Variants in GPR39 observed in about 807,000 individuals in gnomAD.
The protein encoded by GPR39 is G protein-coupled receptor 39, also known as zinc sensing receptor.
Under a neutral mutation model 18.4 loss-of-function variants are expected in GPR39, and 23 were observed. The ratio of observed to expected loss-of-function variants is 1.25; its 90% CI spans 0.90 to 1.77. The LOEUF is 1.77. GPR39 is among the 40% of genes most tolerant of loss of function. The probability of loss-of-function intolerance (pLI) is 0.00; values close to 1 mark genes in which losing one functional copy is unlikely to be tolerated. For synonymous variants in GPR39, 280 were observed against 257.9 expected (o/e 1.09, Z -0.82); for missense variants, 647 against 602.4 (o/e 1.07, Z -0.78).
chr2:132,534,359 G>A (rs1447034262), intron 1 of GPR39, among the ~76,000 whole-genome samples: 2 of 150,308 alleles, frequency 1.3e-5, no homozygotes, highest in East Asian at 4.1e-4. Flanking sequence ...GAGAGGATGT[G>A]GAGAAATAGG....
chr2:132,433,470 A>C (rs528961139), intron 1 of GPR39, among the ~76,000 whole-genome samples: 27 of 152,086 alleles, frequency 1.8e-4, no homozygotes, highest in African/African-American at 6.3e-4. Context: ...TTCTCACATA[A>C]ATTTCATCAT....
At chr2:132,419,345 C>A (rs1425846310) in intron 1 of GPR39, among the ~76,000 whole-genome samples, 1 of 152,210 alleles carries the variant, frequency 6.6e-6, no homozygotes, top group Non-Finnish European at 1.5e-5. Flanking sequence ...TTCAGAATCA[C>A]CTCAGTGCAG....
At chr2:132,456,332 T>C (rs1297886210) in intron 1 of GPR39, among the ~76,000 whole-genome samples, 1 of 150,782 alleles carries the variant, frequency 6.6e-6, no homozygotes, top group East Asian at 2.0e-4. Flanking sequence ...ATTTGCTTGG[T>C]AGATCTTCCT....
intron 1 of GPR39, among the ~76,000 whole-genome samples, chr2:132,430,308 C>T (rs541735371): frequency 3.3e-5 from 5 of 152,298 alleles, no homozygotes; most frequent in Non-Finnish European, 5.9e-5. Flanking sequence ...TTTAAGCCTT[C>T]AGGTGACTCC....
intron 1 of GPR39, among the ~76,000 whole-genome samples, chr2:132,461,840 G>C (rs1414571086): frequency 6.6e-6 from 1 of 152,194 alleles, no homozygotes; most frequent in Non-Finnish European, 1.5e-5. Context: ...TCACCTTGCT[G>C]TGCCGAGGGA....
At chr2:132,515,703 ACT>A (rs922290779) in intron 1 of GPR39, among the ~76,000 whole-genome samples, 1 of 151,984 alleles carries the variant, frequency 6.6e-6, no homozygotes, top group African/African-American at 2.4e-5. Context: ...TAAGAATGTC[ACT>A]CTCTGACCTT....
At chr2:132,572,617 T>C (rs868429856) in intron 1 of GPR39, among the ~76,000 whole-genome samples, 3 of 151,766 alleles carry the variant, frequency 2.0e-5, no homozygotes, top group African/African-American at 7.3e-5. Context: ...CCAAAACTTA[T>C]AGGGGTTCAC....
chr2:132,585,740 A>G (rs1680712698), intron 1 of GPR39, among the ~76,000 whole-genome samples: 1 of 151,988 alleles, frequency 6.6e-6, no homozygotes, highest in African/African-American at 2.4e-5. Flanking sequence ...AGGGCCGGAC[A>G]GCCCGGTGTT....
chr2:132,493,492 TATATATATACACC>T lies in GPR39; in HGVS notation c.856+75604_856+75616del, dbSNP rs1306357609. On this transcript the variant is annotated intron_variant, in intron 1 of 1. Transcript: ENST00000329321. ...ACACCATATATATATATACACCATA[TATATATATACACC>T]ATATATATATATATATATATATACA... Among the ~76,000 whole-genome samples, 182 of 106,924 alleles carry T rather than the reference TATATATATACACC, an allele frequency of 1.7e-3. 1 individual carries two copies. Among genetic ancestry groups the T allele is most frequent in the African/African-American group, 6.6e-3 (172 of 25,938 alleles). The allele number at this position is 106,924 out of a possible 152,430, so 70.1% of individuals were successfully genotyped here. A position where few individuals can be genotyped will look rare whatever the true frequency, so the allele number is the denominator to read the frequency against.
intron 1 of GPR39, among the ~76,000 whole-genome samples, chr2:132,449,260 T>TTTG (rs1680592834): frequency 6.8e-6 from 1 of 147,908 alleles, no homozygotes; most frequent in Non-Finnish European, 1.5e-5. Context: ...TGTTTTGTTT[T>TTTG]GTTTTGAGAC....
chr2:132,486,342 C>G (rs562504982), intron 1 of GPR39, among the ~76,000 whole-genome samples: 14 of 152,208 alleles, frequency 9.2e-5, no homozygotes, highest in Non-Finnish European at 1.8e-4. Context: ...CCAGCTGCAG[C>G]TGCATTAGCC....
At chr2:132,420,052 C>T (rs1679979084) in intron 1 of GPR39, among the ~76,000 whole-genome samples, 1 of 152,182 alleles carries the variant, frequency 6.6e-6, no homozygotes, top group African/African-American at 2.4e-5. Flanking sequence ...CATCAGATCC[C>T]ATTAGTAATT....
At position 132,610,846 on chromosome 2, in the gene GPR39, A is replaced by G. The variant is rs117333426; in HGVS notation, c.857-34255A>G. 1.6e-4 allele frequency among the ~76,000 whole-genome samples: 25 copies of G among 151,916 alleles called. No homozygotes were observed. In the East Asian group the frequency reaches 4.7e-3, roughly 28 times the overall value. ...CCACCTTGGAGCTCTGTCATCATCA[A>G]CTCATGGCTTCCAAGGCCCCTGAGC... On this transcript the variant is annotated intron_variant, in intron 1 of 1. Coordinates refer to ENST00000329321, the MANE Select transcript of GPR39 (RefSeq NM_001508.3).
chr2:132,440,878 C>A lies in GPR39; in HGVS notation c.856+22980C>A, dbSNP rs537672439. On this transcript the variant is annotated intron_variant, in intron 1 of 1. Transcript: ENST00000329321. ...TGCCCTTGCAGGGCGTGACTTTCCA[C>A]AACCGGTGTGTGTGGTGGGGGTGCT... is the stretch of plus-strand genomic sequence containing the variant. 5.5e-4 allele frequency among the ~76,000 whole-genome samples: 84 copies of A among 152,310 alleles called. 1 individual carries two copies. The highest frequency in any genetic ancestry group is 3.4e-3 in the Middle Eastern group (1 of 294).
Position 132,417,721 on chromosome 2 carries a change from G to T in GPR39, c.679G>T (p.Ala227Ser). The T allele has an allele frequency of 6.2e-7, 1 of 1,614,136 alleles. No individual in the cohort carries two copies. Among genetic ancestry groups the T allele is most frequent in the Non-Finnish European group, 8.5e-7 (1 of 1,180,026 alleles). ...CGTGTTCCAGTCCAGCATCTTCGGC[G>T]CCTTCGTGGTCTACCTCGTGGTCCT... ...WTVFQSSIFG[A>S]FVVYLVVLLS... Residue 227 changes from alanine (A) to serine (S), a missense_variant, in exon 1 of 2, where the codon GCC (alanine) becomes TCC (serine). Ala to Ser is a moderately conservative substitution (Grantham distance 99, BLOSUM62 1). This residue lies in a region of GPR39 where 581 missense variants were observed against 506.8 expected (regional missense o/e 1.15). Transcript: ENST00000329321.
intron 1 of GPR39, among the ~76,000 whole-genome samples, chr2:132,555,977 G>A (rs1680143420): frequency 6.6e-6 from 1 of 152,098 alleles, no homozygotes. Context: ...CAACCCTAGA[G>A]TTCCTGATTC....
At chr2:132,454,544 A>G (rs1403203554) in intron 1 of GPR39, among the ~76,000 whole-genome samples, 1 of 152,196 alleles carries the variant, frequency 6.6e-6, no homozygotes, top group Non-Finnish European at 1.5e-5. Context: ...GAGAGAGGGC[A>G]TCCTTGTCTT....
chr2:132,573,872 A>G (rs1282321958), intron 1 of GPR39, among the ~76,000 whole-genome samples: 7 of 152,208 alleles, frequency 4.6e-5, no homozygotes, highest in South Asian at 2.1e-4. Flanking sequence ...TTGAACTTCA[A>G]TGTGACATTT....
At chr2:132,495,298 G>A (rs890623367) in intron 1 of GPR39, among the ~76,000 whole-genome samples, 8 of 152,228 alleles carry the variant, frequency 5.3e-5, no homozygotes, top group African/African-American at 1.9e-4. Flanking sequence ...GAGTGTGGCA[G>A]TGGCTTTTGG....
Sources: allele counts gnomAD v4.1 joint callset (sites outside exome capture counted in the v4.1 genomes callset), GRCh38; gene constraint gnomAD v4.1.1; regional missense constraint gnomAD v4.1.1; transcripts MANE v1.5; gene names NCBI Gene and HGNC (gene_info 2026-07-23, HGNC 2026-07-21).